The following B3GLCT variants were observed in gnomAD, a reference collection of about 807,000 sequenced individuals.
The protein encoded by B3GLCT is beta 3-glucosyltransferase.
A neutral mutation model predicts 63.4 loss-of-function variants in B3GLCT; 65 were observed. The observed-to-expected ratio is 1.03, with a 90% CI of 0.84 to 1.26. The LOEUF is 1.26. Among genes scored for constraint, B3GLCT ranks in the 50% most tolerant of loss-of-function variants. The probability of loss-of-function intolerance (pLI) is 0.00; values close to 1 mark genes in which losing one functional copy is unlikely to be tolerated. For missense variants in B3GLCT, 577 were observed against 604.8 expected, an observed-to-expected ratio of 0.95 and a Z score of 0.48; for synonymous variants, 233 against 219.2, an observed-to-expected ratio of 1.06 and a Z score of -0.55.
chr13:31,244,684 T>C (rs1358399108), intron 4 of B3GLCT, among the ~76,000 whole-genome samples: 7 of 152,148 alleles, frequency 4.6e-5, no homozygotes, highest in Non-Finnish European at 7.4e-5. Context: ...ACCTTTAAGG[T>C]GCTACTACAT....
rs35163232 is a variant in B3GLCT, at chr13:31,297,375, GTTTTT to G, written c.1064+10571_1064+10575del. 2.3e-5 allele frequency among the ~76,000 whole-genome samples: 3 copies of G among 127,778 alleles called. No homozygotes were observed. In the East Asian group the frequency reaches 6.9e-4, roughly 29 times the overall value. 83.8% of individuals were successfully genotyped at this position (127,778 alleles called of 152,430 possible). A position where few individuals can be genotyped will look rare whatever the true frequency, so the allele number is the denominator to read the frequency against. Reference sequence around the variant, plus strand: ...CCTTGTCAACCCCATTATTTTCTGGGTTTTTTTTTTTTTTTTTTTGATAGTCGCTA... The same window carrying G: ...CCTTGTCAACCCCATTATTTTCTGGGTTTTTTTTTTTTTTGATAGTCGCTA... On this transcript the variant is annotated intron_variant, in intron 12 of 14. Coordinates refer to ENST00000343307, the MANE Select transcript of B3GLCT (RefSeq NM_194318.4).
chr13:31,298,438 T>A (rs1874064272), intron 12 of B3GLCT, among the ~76,000 whole-genome samples: 1 of 152,236 alleles, frequency 6.6e-6, no homozygotes. Flanking sequence ...TTCAATCTTG[T>A]CAGGTTCCAA....
intron 12 of B3GLCT, chr13:31,312,727 T>G (rs999126926): frequency 6.6e-5 from 10 of 152,198 alleles, no homozygotes; most frequent in Admixed American, 1.3e-4. Context: ...ATGAAAACTT[T>G]CCATAAGACT....
chr13:31,241,076 G>T lies in B3GLCT; in HGVS notation c.271-5947G>T, dbSNP rs540629477. Among the ~76,000 whole-genome samples the T allele has an allele frequency of 5.3e-5, 8 of 152,230 alleles. No individual in the cohort carries two copies. The East Asian group carries it at 1.2e-3, about 22-fold the overall frequency. On this transcript the variant is annotated intron_variant, in intron 4 of 14. Coordinates refer to ENST00000343307, the MANE Select transcript of B3GLCT (RefSeq NM_194318.4). ...AGGAAATAGAACATTGAGATTCAAG[G>T]CCAAGTTGCTCAACAGTAATGAAAT...
intron 3 of B3GLCT, among the ~76,000 whole-genome samples, chr13:31,223,402 G>C (rs1869925332): frequency 6.6e-6 from 1 of 152,170 alleles, no homozygotes; most frequent in Non-Finnish European, 1.5e-5. Context: ...GGAGCAGGCT[G>C]TCCACTTGCT....
intron 14 of B3GLCT, among the ~76,000 whole-genome samples, chr13:31,327,502 C>T (rs1165813506): frequency 2.0e-5 from 3 of 152,190 alleles, no homozygotes; most frequent in Non-Finnish European, 4.4e-5. Flanking sequence ...CTGGAATTTT[C>T]CATTTAATAT....
chr13:31,248,854 C>T (rs2137808340), intron 6 of B3GLCT, among the ~76,000 whole-genome samples: 1 of 152,280 alleles, frequency 6.6e-6, no homozygotes, highest in South Asian at 2.1e-4. Flanking sequence ...CTGTAATAAT[C>T]AGTTTTGCTG....
At chr13:31,206,478 C>T (rs376834600) in intron 1 of B3GLCT, among the ~76,000 whole-genome samples, 146 of 148,992 alleles carry the variant, frequency 9.8e-4, no homozygotes, top group African/African-American at 3.5e-3. Flanking sequence ...CAGTGGCTCA[C>T]GCCTGTAATC....
intron 12 of B3GLCT, chr13:31,312,718 T>G (rs903144943): frequency 6.6e-6 from 1 of 152,160 alleles, no homozygotes; most frequent in Admixed American, 6.5e-5. Context: ...CTCTCAAAAA[T>G]GAAAACTTTC....
At chr13:31,311,473 C>T (rs1025044984) in intron 12 of B3GLCT, 8 of 152,222 alleles carry the variant, frequency 5.3e-5, no homozygotes, top group African/African-American at 1.9e-4. Flanking sequence ...TTCCTGAGAG[C>T]AAGAGATGAG....
At chr13:31,223,404 C>T (rs1008840914) in intron 3 of B3GLCT, among the ~76,000 whole-genome samples, 1 of 152,178 alleles carries the variant, frequency 6.6e-6, no homozygotes, top group Non-Finnish European at 1.5e-5. Context: ...AGCAGGCTGT[C>T]CACTTGCTGA....
At position 31,317,623 on chromosome 13, in the gene B3GLCT, G is replaced by C; in HGVS notation, c.1122G>C (p.Leu374=). The change falls in exon 13 of 15, where the codon CTG becomes CTC. Residue 374 remains leucine, a synonymous_variant. Coordinates refer to ENST00000343307, the MANE Select transcript of B3GLCT (RefSeq NM_194318.4). The part of the protein sequence containing the change: ...SCYDSGEPVF[L]GERYGYGLGT... Reference sequence around the variant, plus strand: ...ATGACTCCGGCGAGCCTGTGTTTCTGGGAGAGCGCTACGGCTACGGCCTGG... The same window carrying C: ...ATGACTCCGGCGAGCCTGTGTTTCTCGGAGAGCGCTACGGCTACGGCCTGG... 6.2e-7 allele frequency: 1 copy of C among 1,614,070 alleles called. No homozygotes were observed. Among genetic ancestry groups the C allele is most frequent in the Non-Finnish European group, 8.5e-7 (1 of 1,179,972 alleles).
intron 1 of B3GLCT, among the ~76,000 whole-genome samples, chr13:31,200,427 C>G (rs1868588665): frequency 6.7e-6 from 1 of 150,026 alleles, no homozygotes; most frequent in Admixed American, 6.6e-5. Context: ...AGACTCGCGT[C>G]TCCCAGCCTC....
In B3GLCT at chr13:31,295,754, G is replaced by A. The variant is rs1039337658; in HGVS notation, c.1064+8935G>A. The stretch of plus-strand genomic sequence containing the variant: ...AGTGGATCTTAGCTTGCTGGGCTCC[G>A]TGGGGGTGGGGTTCGCTGAGCTAGA... On this transcript the variant is annotated intron_variant, in intron 12 of 14. Transcript: ENST00000343307. 1.2e-4 allele frequency among the ~76,000 whole-genome samples: 19 copies of A among 152,304 alleles called. 1 individual carries two copies. The highest frequency in any genetic ancestry group is 2.1e-4 in the South Asian group (1 of 4,826).
chr13:31,316,407 TTATATATATATATATA>T (rs71099949), intron 12 of B3GLCT, among the ~76,000 whole-genome samples: 1 of 40,866 alleles, frequency 2.4e-5, no homozygotes, highest in Admixed American at 3.7e-4. Context: ...TTTGGAGGTT[TTATATATATATATATA>T]TATATATAAA....
chr13:31,222,853 T>G, intron 2 of B3GLCT, 99 bp from the exon 3 acceptor site: 1 of 827,758 alleles, frequency 1.2e-6, no homozygotes, highest in Non-Finnish European at 2.1e-6. Flanking sequence ...CTTCCTCCCA[T>G]GTGCTGATAC....
intron 6 of B3GLCT, among the ~76,000 whole-genome samples, chr13:31,255,956 A>G (rs1202088378): frequency 1.3e-5 from 2 of 152,250 alleles, no homozygotes; most frequent in Admixed American, 6.5e-5. Flanking sequence ...CATCTGATTA[A>G]ACTAAAGAGC....
chr13:31,329,400 G>T, intron 14 of B3GLCT, 101 bp from the exon 15 acceptor site: 1 of 1,290,938 alleles, frequency 7.7e-7, no homozygotes, highest in Non-Finnish European at 1.1e-6. Flanking sequence ...GCCAATGTTA[G>T]GTAGTGAAGT....
intron 10 of B3GLCT, among the ~76,000 whole-genome samples, chr13:31,284,149 C>T (rs1158455379): frequency 6.6e-6 from 1 of 152,138 alleles, no homozygotes; most frequent in Non-Finnish European, 1.5e-5. Flanking sequence ...CCACATTTTT[C>T]AAAAGTACAA....
Sources: allele counts gnomAD v4.1 joint callset (sites outside exome capture counted in the v4.1 genomes callset), GRCh38; gene constraint gnomAD v4.1.1; transcripts MANE v1.5; gene names NCBI Gene and HGNC (gene_info 2026-07-23, HGNC 2026-07-21).